CLEC16A: variants seen among roughly 807,000 people sequenced by gnomAD.
The protein encoded by CLEC16A is protein CLEC16A.
In CLEC16A, 51 loss-of-function variants were observed where a neutral mutation model predicts 109.5. The observed-to-expected ratio is 0.47, with a 90% CI of 0.37 to 0.59. The LOEUF is 0.59. Ranked by LOEUF, CLEC16A falls within the 20% of genes least tolerant of loss-of-function variation. CLEC16A has a pLI of 0.00. For missense variants in CLEC16A, 1,339 were observed against 1,394.0 expected (o/e 0.96, Z 0.63); for synonymous variants, 673 against 564.2 (o/e 1.19, Z -2.73).
At chr16:11,162,435 T>A (rs2054756835) in intron 22 of CLEC16A, among the ~76,000 whole-genome samples, 1 of 152,150 alleles carries the variant, frequency 6.6e-6, no homozygotes, top group African/African-American at 2.4e-5. Flanking sequence ...CCCTTTTTTT[T>A]CTCTTTTTGG....
intron 22 of CLEC16A, among the ~76,000 whole-genome samples, chr16:11,136,962 C>T (rs1261614493): frequency 6.6e-6 from 1 of 152,214 alleles, no homozygotes; most frequent in Non-Finnish European, 1.5e-5. Context: ...GTTTCCACTC[C>T]GTGAACCGCC....
chr16:11,170,380 T>G (rs2068457133), intron 23 of CLEC16A, among the ~76,000 whole-genome samples: 1 of 152,234 alleles, frequency 6.6e-6, no homozygotes, highest in East Asian at 1.9e-4. Context: ...TCATCCCACA[T>G]GAGGCAGTGA....
At chr16:10,995,402 G>A (rs1464735196) in intron 10 of CLEC16A, among the ~76,000 whole-genome samples, 1 of 152,224 alleles carries the variant, frequency 6.6e-6, no homozygotes, top group Non-Finnish European at 1.5e-5. Context: ...CGGAGATGGG[G>A]AAGGTTAGCC....
intron 17 of CLEC16A, chr16:11,048,485 T>G (rs533814867): frequency 7.9e-5 from 12 of 152,346 alleles, no homozygotes; most frequent in African/African-American, 2.9e-4. Context: ...TTGGGAAGTT[T>G]ATAATAAACC....
At chr16:11,073,992 G>C (rs1277787394) in intron 19 of CLEC16A, among the ~76,000 whole-genome samples, 1 of 152,160 alleles carries the variant, frequency 6.6e-6, no homozygotes, top group East Asian at 1.9e-4. Flanking sequence ...TGAATAGTCA[G>C]GTTCCCACTG....
intron 19 of CLEC16A, among the ~76,000 whole-genome samples, chr16:11,074,184 A>G (rs1044496023): frequency 3.3e-5 from 5 of 151,598 alleles, no homozygotes; most frequent in South Asian, 2.1e-4. Context: ...TCCTTACCCC[A>G]CTTTGAGGCA....
chr16:11,120,051 C>G (rs755198480), intron 19 of CLEC16A, among the ~76,000 whole-genome samples: 41 of 152,152 alleles, frequency 2.7e-4, no homozygotes, highest in Non-Finnish European at 4.6e-4. Context: ...CTCACTGCAA[C>G]CTCCACCTCC....
intron 11 of CLEC16A, among the ~76,000 whole-genome samples, chr16:11,011,590 C>T (rs2045416853): frequency 6.6e-6 from 1 of 152,046 alleles, no homozygotes; most frequent in African/African-American, 2.4e-5. Context: ...TTCTCTGGCT[C>T]CTGTCCATGG....
chr16:11,156,078 C>G (rs950281831), intron 22 of CLEC16A, among the ~76,000 whole-genome samples: 6 of 152,090 alleles, frequency 3.9e-5, no homozygotes, highest in African/African-American at 9.7e-5. Flanking sequence ...TCTGGCGCTC[C>G]TGGCCGGGCA....
chr16:11,079,766 G>A (rs551688221), intron 19 of CLEC16A, among the ~76,000 whole-genome samples: 2 of 152,158 alleles, frequency 1.3e-5, no homozygotes, highest in East Asian at 1.9e-4. Flanking sequence ...CATAAAACTC[G>A]ACTCTCTCCC....
At chr16:10,990,445 T>C (rs988726979) in intron 10 of CLEC16A, among the ~76,000 whole-genome samples, 14 of 152,226 alleles carry the variant, frequency 9.2e-5, no homozygotes, top group Admixed American at 8.5e-4. Flanking sequence ...AGGGTCTCAA[T>C]GTCCCTTAGT....
chr16:11,120,856 C>T (rs2052358970), intron 20 of CLEC16A, 90 bp downstream of exon 20: 2 of 1,177,030 alleles, frequency 1.7e-6, no homozygotes, highest in East Asian at 6.0e-5. Flanking sequence ...CAATTGTCAT[C>T]TTTATCATTA....
At chr16:11,116,838 T>C (rs1223357390) in intron 19 of CLEC16A, among the ~76,000 whole-genome samples, 1 of 152,220 alleles carries the variant, frequency 6.6e-6, no homozygotes. Flanking sequence ...ATTGGGGTGA[T>C]GGAAGTATTC....
At chr16:11,055,947 A>G (rs1034416053) in intron 18 of CLEC16A, among the ~76,000 whole-genome samples, 5 of 152,120 alleles carry the variant, frequency 3.3e-5, no homozygotes, top group African/African-American at 1.2e-4. Flanking sequence ...GTTGTTGAAC[A>G]TATTCTAGGT....
At chr16:11,160,140 T>C (rs1198877082) in intron 22 of CLEC16A, among the ~76,000 whole-genome samples, 2 of 152,120 alleles carry the variant, frequency 1.3e-5, no homozygotes, top group African/African-American at 4.8e-5. Context: ...CCTGAAATAG[T>C]TGCACTTTAG....
At chr16:11,039,062 C>T (rs529655822) in intron 13 of CLEC16A, among the ~76,000 whole-genome samples, 2 of 152,190 alleles carry the variant, frequency 1.3e-5, no homozygotes, top group East Asian at 1.9e-4. Context: ...TTTCCTCAAG[C>T]GTAGAAGGTG....
chr16:11,063,240 C>T (rs2048582580), intron 19 of CLEC16A, among the ~76,000 whole-genome samples: 1 of 149,452 alleles, frequency 6.7e-6, no homozygotes, highest in Non-Finnish European at 1.5e-5. Flanking sequence ...ATAAGATATG[C>T]CTGTATTGTT....
chr16:10,953,511 A>G (rs76430147), intron 1 of CLEC16A, among the ~76,000 whole-genome samples: 1 of 152,342 alleles, frequency 6.6e-6, no homozygotes, highest in African/African-American at 2.4e-5. Flanking sequence ...GGAAAGATTA[A>G]TAAATTGAAC....
chr16:11,026,801 G>A (rs1427454430), intron 13 of CLEC16A, among the ~76,000 whole-genome samples: 1 of 152,032 alleles, frequency 6.6e-6, no homozygotes, highest in African/African-American at 2.4e-5. Context: ...AAAAGGGCTG[G>A]GTTTTAAAAA....
Sources: gnomAD v4.1 joint callset for allele counts (sites outside exome capture counted in the v4.1 genomes callset) on GRCh38, gnomAD v4.1.1 for gene constraint, MANE v1.5 for transcripts, NCBI Gene and HGNC (gene_info 2026-07-23, HGNC 2026-07-21) for gene names.